Variants in GRIP1 observed in about 807,000 individuals in gnomAD.
GRIP1 encodes the protein glutamate receptor-interacting protein 1.
Under a neutral mutation model 129.9 loss-of-function variants are expected in GRIP1, and 45 were observed. That is an observed-to-expected ratio of 0.35 (90% confidence interval 0.27 to 0.44). The LOEUF (loss-of-function observed/expected upper bound fraction) is 0.44, where lower values mean the gene tolerates loss of function less well. Among genes scored for constraint, GRIP1 ranks in the 20% least tolerant of loss-of-function variants. GRIP1 has a pLI of 1.00. For missense variants in GRIP1, 1,196 were observed against 1,396.8 expected (o/e 0.86, Z 2.29); for synonymous variants, 530 against 520.8 (o/e 1.02, Z -0.24).
intron 3 of GRIP1, among the ~76,000 whole-genome samples, chr12:66,541,418 T>TC (rs1257334292): frequency 6.6e-6 from 1 of 152,240 alleles, no homozygotes; most frequent in Non-Finnish European, 1.5e-5. Flanking sequence ...CCATGTCCCC[T>TC]CTCTGGCACT....
intron 1 of GRIP1, among the ~76,000 whole-genome samples, chr12:66,865,012 A>G (rs2040177890): frequency 6.6e-6 from 1 of 152,140 alleles, no homozygotes; most frequent in African/African-American, 2.4e-5. Context: ...CATTGTTTGT[A>G]TATGTCCCAG....
chr12:66,636,492 A>AT (rs1166547059), intron 1 of GRIP1, among the ~76,000 whole-genome samples: 6 of 152,194 alleles, frequency 3.9e-5, no homozygotes, highest in African/African-American at 1.4e-4. Flanking sequence ...ACTTCTGACA[A>AT]TAGCAAGCAT....
chr12:66,525,072 T>C (rs149742360), intron 5 of GRIP1, among the ~76,000 whole-genome samples: 2 of 152,148 alleles, frequency 1.3e-5, no homozygotes, highest in East Asian at 3.9e-4. Context: ...CAGGAACAGA[T>C]GAATTCACAG....
chr12:66,704,201 A>G (rs565321317), intron 1 of GRIP1, among the ~76,000 whole-genome samples: 3 of 152,276 alleles, frequency 2.0e-5, no homozygotes, highest in African/African-American at 7.2e-5. Flanking sequence ...TAACATGTAA[A>G]CCAAAAGAAC....
intron 1 of GRIP1, among the ~76,000 whole-genome samples, chr12:66,956,212 T>C (rs2041838980): frequency 6.6e-6 from 1 of 152,230 alleles, no homozygotes. Context: ...CTGTTTAGTG[T>C]CTTCTGGTCT....
At chr12:66,524,576 G>A (rs1202968840) in intron 5 of GRIP1, among the ~76,000 whole-genome samples, 1 of 151,774 alleles carries the variant, frequency 6.6e-6, no homozygotes, top group East Asian at 1.9e-4. Context: ...AGAGAAAGCA[G>A]GAAAGATCCA....
At chr12:66,378,260 G>A (rs2055910961) in intron 20 of GRIP1, among the ~76,000 whole-genome samples, 1 of 151,744 alleles carries the variant, frequency 6.6e-6, no homozygotes, top group Non-Finnish European at 1.5e-5. Flanking sequence ...TGGCCAACAT[G>A]GTGAAACCCT....
At chr12:66,401,442 G>C (rs1055122464) in intron 16 of GRIP1, among the ~76,000 whole-genome samples, 14 of 151,720 alleles carry the variant, frequency 9.2e-5, no homozygotes, top group Non-Finnish European at 1.3e-4. Context: ...AGCTGGGCAT[G>C]GTGGTGGACA....
chr12:66,424,332 T>C (rs550916536), intron 14 of GRIP1, among the ~76,000 whole-genome samples: 1 of 152,360 alleles, frequency 6.6e-6, no homozygotes, highest in African/African-American at 2.4e-5. Flanking sequence ...ACCAAAAATA[T>C]ACATGCATAC....
chr12:67,048,318 T>C lies in GRIP1; in HGVS notation c.58+20732A>G, dbSNP rs563293237. On this transcript the variant is annotated intron_variant, in intron 1 of 1. Transcript: ENST00000643019. The stretch of plus-strand genomic sequence containing the variant: ...TTGTAGAAACATTAGGAAGTACAGA[T>C]TAGGAAGAAAGAAAAGTTAGCCAAA... Among the ~76,000 whole-genome samples, 12 of 152,250 alleles carry C rather than the reference T, an allele frequency of 7.9e-5. No homozygotes were observed. The East Asian group carries it at 2.1e-3, about 27-fold the overall frequency.
chr12:66,671,703 T>C (rs1169827075), intron 1 of GRIP1, among the ~76,000 whole-genome samples: 1 of 152,206 alleles, frequency 6.6e-6, no homozygotes, highest in Non-Finnish European at 1.5e-5. Context: ...CCTTCTCTCA[T>C]CTTTGCTTTG....
chr12:66,602,073 T>G (rs2064300961), intron 1 of GRIP1, among the ~76,000 whole-genome samples: 1 of 152,100 alleles, frequency 6.6e-6, no homozygotes, highest in African/African-American at 2.4e-5. Flanking sequence ...TTATCTATGG[T>G]TTTTTAATCA....
chr12:66,581,274 T>C (rs1239763069), intron 2 of GRIP1, among the ~76,000 whole-genome samples: 3 of 151,664 alleles, frequency 2.0e-5, no homozygotes, highest in Non-Finnish European at 2.9e-5. Context: ...GGGAAATTGA[T>C]AGCACTAAAT....
At chr12:66,762,016 T>C (rs2037490667) in intron 1 of GRIP1, among the ~76,000 whole-genome samples, 1 of 152,200 alleles carries the variant, frequency 6.6e-6, no homozygotes, top group Non-Finnish European at 1.5e-5. Flanking sequence ...TTACATTTCC[T>C]ATCCCTCAGA....
intron 1 of GRIP1, among the ~76,000 whole-genome samples, chr12:67,008,736 AG>A (rs1165843218): frequency 1.3e-5 from 2 of 152,206 alleles, no homozygotes; most frequent in Non-Finnish European, 2.9e-5. Flanking sequence ...GTGTTCAAAC[AG>A]TAAGTGCTAA....
intron 1 of GRIP1, among the ~76,000 whole-genome samples, chr12:66,762,933 G>A (rs1420134414): frequency 6.6e-6 from 1 of 152,112 alleles, no homozygotes; most frequent in African/African-American, 2.4e-5. Flanking sequence ...TTTTGTATAT[G>A]AGGCTGTTTG....
chr12:66,543,804 T>C (rs1375766421), intron 2 of GRIP1, among the ~76,000 whole-genome samples: 5 of 152,202 alleles, frequency 3.3e-5, no homozygotes, highest in Non-Finnish European at 1.5e-5. Flanking sequence ...GAGTATCCTA[T>C]ATATTTAGAC....
chr12:66,997,389 G>A (rs2042483813), intron 1 of GRIP1, among the ~76,000 whole-genome samples: 1 of 151,860 alleles, frequency 6.6e-6, no homozygotes, highest in South Asian at 2.1e-4. Context: ...GGCCAGCCAG[G>A]GAAACAAACA....
intron 7 of GRIP1, among the ~76,000 whole-genome samples, chr12:66,487,761 T>A (rs373247777): frequency 6.6e-6 from 1 of 152,016 alleles, no homozygotes; most frequent in African/African-American, 2.4e-5. Context: ...AAGACACACG[T>A]AGACTGAAAA....
Sources: allele counts gnomAD v4.1 joint callset (sites outside exome capture counted in the v4.1 genomes callset), GRCh38; gene constraint gnomAD v4.1.1; transcripts MANE v1.5; gene names NCBI Gene and HGNC (gene_info 2026-07-23, HGNC 2026-07-21).